Variants in ANKRD66 observed in about 807,000 individuals in gnomAD.
ANKRD66 encodes the protein ankyrin repeat domain-containing protein 66.
Under a neutral mutation model 10.9 loss-of-function variants are expected in ANKRD66, and 10 were observed. The ratio of observed to expected loss-of-function variants is 0.91; its 90% CI spans 0.56 to 1.55. The LOEUF (loss-of-function observed/expected upper bound fraction) is 1.55, where lower values mean the gene tolerates loss of function less well. Among genes scored for constraint, ANKRD66 ranks in the 40% most tolerant of loss-of-function variants. The probability of loss-of-function intolerance (pLI) is 0.00; values close to 1 mark genes in which losing one functional copy is unlikely to be tolerated. For missense variants in ANKRD66, 252 were observed against 242.9 expected (o/e 1.04, Z -0.25); for synonymous variants, 85 against 88.4 (o/e 0.96, Z 0.22).
At chr6:46,751,868 G>A (rs1766276789) in intron 2 of ANKRD66, 69 bp from the exon 3 acceptor site, 2 of 1,343,892 alleles carry the variant, frequency 1.5e-6, no homozygotes, top group Non-Finnish European at 1.9e-6. Context: ...TGATACAGAA[G>A]TCTATGGGAT....
At chr6:46,754,018 T>G in intron 4 of ANKRD66, 68 bp downstream of exon 4, 1 of 1,354,888 alleles carries the variant, frequency 7.4e-7, no homozygotes, top group Non-Finnish European at 1.0e-6. Flanking sequence ...AGATCTTGGG[T>G]GATTCTGTGG....
At position 46,751,994 on chromosome 6, in the gene ANKRD66, G is replaced by A; in HGVS notation, c.46G>A (p.Val16Met). ...MSDMTKLHQAVAAGDYSLVKK... is the reference protein window; with the variant it reads ...MSDMTKLHQAMAAGDYSLVKK... Reference sequence around the variant, plus strand: ...AGACATGACAAAGCTTCACCAAGCTGTGGCTGCAGGAGACTACAGCTTAGT... The same window carrying A: ...AGACATGACAAAGCTTCACCAAGCTATGGCTGCAGGAGACTACAGCTTAGT... The change falls in exon 3 of 5, where the codon GTG becomes ATG. Residue 16 changes from valine to methionine, a missense_variant. Physicochemically the swap from Val to Met is conservative, Grantham distance 21 (BLOSUM62 1). Transcript: ENST00000565422. 6.6e-7 allele frequency: 1 copy of A among 1,513,738 alleles called. No individual in the cohort carries two copies. The highest frequency in any genetic ancestry group is 8.8e-7 in the Non-Finnish European group (1 of 1,132,216). The allele number at this position is 1,513,738 out of a possible 1,614,324, so 93.8% of individuals were successfully genotyped here. A position where few individuals can be genotyped will look rare whatever the true frequency, so the allele number is the denominator to read the frequency against.
At chr6:46,749,138 G>C (rs1344240844) in intron 1 of ANKRD66, among the ~76,000 whole-genome samples, 1 of 152,126 alleles carries the variant, frequency 6.6e-6, no homozygotes, top group Non-Finnish European at 1.5e-5. Flanking sequence ...CCCCTCAGCA[G>C]CCCACAGCTG....
chr6:46,758,612 C>T, intron 4 of ANKRD66, 111 bp from the exon 5 acceptor site: 1 of 1,072,966 alleles, frequency 9.3e-7, no homozygotes, highest in Non-Finnish European at 1.3e-6. Context: ...AACTTGGCCT[C>T]CTTCCTTCTC....
intron 1 of ANKRD66, among the ~76,000 whole-genome samples, chr6:46,747,407 C>T (rs1364377552): frequency 6.6e-6 from 1 of 152,162 alleles, no homozygotes; most frequent in Non-Finnish European, 1.5e-5. Context: ...AATTTAAGAA[C>T]ATTTCATCAC....
At chr6:46,755,673 CT>C (rs1348016706) in intron 4 of ANKRD66, among the ~76,000 whole-genome samples, 5 of 152,212 alleles carry the variant, frequency 3.3e-5, no homozygotes, top group East Asian at 3.9e-4. Flanking sequence ...TTTCCCTTGA[CT>C]TCTTTTTGGA....
intron 1 of ANKRD66, among the ~76,000 whole-genome samples, chr6:46,747,346 T>C (rs1409224798): frequency 6.6e-6 from 1 of 152,234 alleles, no homozygotes; most frequent in African/African-American, 2.4e-5. Flanking sequence ...TCATTTAAAA[T>C]GTAGAATTCA....
At position 46,753,718 on chromosome 6, in the gene ANKRD66, T is replaced by C. The variant is rs997056480; in HGVS notation, c.164-4T>C. 1 of 1,544,216 alleles carries C rather than the reference T, an allele frequency of 6.5e-7. No homozygotes were observed. Among genetic ancestry groups the C allele is most frequent in the Non-Finnish European group, 8.7e-7 (1 of 1,143,418 alleles). On this transcript the variant is annotated splice_region_variant and splice_polypyrimidine_tract_variant and intron_variant, in intron 3 of 4. Coordinates refer to ENST00000565422, the MANE Select transcript of ANKRD66 (RefSeq NM_001162435.3). ...TCATCCTGTTTCTTTTTGGTACATC[T>C]AAGGGCAAATGGAGGTGATACGGCT... is the stretch of plus-strand genomic sequence containing the variant.
At chr6:46,757,184 G>C (rs1038904017) in intron 4 of ANKRD66, 1 of 152,146 alleles carries the variant, frequency 6.6e-6, no homozygotes, top group Admixed American at 6.6e-5. Flanking sequence ...CTGACAGAGC[G>C]TTTAGGGAGA....
intron 1 of ANKRD66, among the ~76,000 whole-genome samples, chr6:46,747,545 A>G (rs751947282): frequency 6.6e-6 from 1 of 152,202 alleles, no homozygotes; most frequent in Non-Finnish European, 1.5e-5. Context: ...ACATACATGG[A>G]GGTATGCAAT....
At chr6:46,750,522 G>A (rs2150726327) in intron 2 of ANKRD66, among the ~76,000 whole-genome samples, 1 of 151,058 alleles carries the variant, frequency 6.6e-6, no homozygotes, top group Non-Finnish European at 1.5e-5. Context: ...TTGTTGTTTT[G>A]GTTAAAGTAT....
At chr6:46,749,756 C>T (rs1328127560) in intron 1 of ANKRD66, 140 bp from the exon 2 acceptor site, 13 of 902,362 alleles carry the variant, frequency 1.4e-5, no homozygotes, top group South Asian at 8.3e-5. Context: ...TCTGACCCAT[C>T]GCATCAGGAC....
intron 4 of ANKRD66, 116 bp from the exon 5 acceptor site, chr6:46,758,607 G>A: frequency 1.1e-6 from 1 of 944,400 alleles, no homozygotes; most frequent in Non-Finnish European, 1.5e-6. Flanking sequence ...GCTCAAACTT[G>A]GCCTCCTTCC....
chr6:46,752,336 GC>G (rs1414203591), intron 3 of ANKRD66, among the ~76,000 whole-genome samples: 1 of 152,186 alleles, frequency 6.6e-6, no homozygotes, highest in Non-Finnish European at 1.5e-5. Flanking sequence ...CTGGGTTCAA[GC>G]GATTCTCCTG....
intron 1 of ANKRD66, among the ~76,000 whole-genome samples, chr6:46,748,873 T>C (rs1766201247): frequency 6.6e-6 from 1 of 152,216 alleles, no homozygotes; most frequent in African/African-American, 2.4e-5. Flanking sequence ...GTAAGTGAGC[T>C]AGTACCGTTG....
chr6:46,749,550 T>TCCCCCCC (rs67764778), intron 1 of ANKRD66, among the ~76,000 whole-genome samples: 1 of 57,038 alleles, frequency 1.8e-5, no homozygotes, highest in Non-Finnish European at 3.4e-5. Flanking sequence ...TCTCTTTTAT[T>TCCCCCCC]CCCCCCCCCC....
At chr6:46,749,476 G>A (rs903389879) in intron 1 of ANKRD66, among the ~76,000 whole-genome samples, 22 of 151,798 alleles carry the variant, frequency 1.4e-4, no homozygotes, top group Admixed American at 1.3e-3. Flanking sequence ...GGCAAGGGGG[G>A]CAGGGTGGAG....
chr6:46,751,891 A>G (rs746305143), intron 2 of ANKRD66, 46 bp from the exon 3 acceptor site: 11 of 1,390,440 alleles, frequency 7.9e-6, no homozygotes, highest in African/African-American at 7.6e-5. Context: ...CTCGCTAGGA[A>G]TAAAGAGTTA....
At chr6:46,747,107 T>G (rs1766160712) in intron 1 of ANKRD66, 117 bp downstream of exon 1, 19 of 949,562 alleles carry the variant, frequency 2.0e-5, no homozygotes, top group Non-Finnish European at 2.6e-5. Flanking sequence ...TTATGGTAGA[T>G]GTGCCTCTAC....
Sources: allele counts gnomAD v4.1 joint callset (sites outside exome capture counted in the v4.1 genomes callset), GRCh38; gene constraint gnomAD v4.1.1; transcripts MANE v1.5; gene names NCBI Gene and HGNC (gene_info 2026-07-23, HGNC 2026-07-21).